MTMR7: variants seen among roughly 807,000 people sequenced by gnomAD.
MTMR7 encodes phosphatidylinositol-3-phosphate phosphatase MTMR7.
Under a neutral mutation model 81.2 loss-of-function variants are expected in MTMR7, and 76 were observed. That is an observed-to-expected ratio of 0.94 (90% CI 0.78 to 1.13). MTMR7 has a LOEUF of 1.13. Among genes scored for constraint, MTMR7 ranks in the 50% most tolerant of loss-of-function variants. The pLI is 0.00. For missense variants in MTMR7, 1,044 were observed against 820.0 expected (o/e 1.27, Z -3.34); for synonymous variants, 372 against 289.8 (o/e 1.28, Z -2.88).
intron 4 of MTMR7, 156 bp from the exon 5 acceptor site, chr8:17,349,237 C>A: frequency 1.3e-6 from 1 of 794,764 alleles, no homozygotes; most frequent in Non-Finnish European, 2.0e-6. Flanking sequence ...AAAGCCACTT[C>A]AGAGGAAGGA....
chr8:17,369,835 C>T (rs755626315), intron 3 of MTMR7, among the ~76,000 whole-genome samples: 22 of 151,702 alleles, frequency 1.5e-4, no homozygotes, highest in South Asian at 6.2e-4. Context: ...TTAGTAGAGA[C>T]GGGGTTTCGC....
intron 7 of MTMR7, among the ~76,000 whole-genome samples, chr8:17,314,745 C>T (rs752066773): frequency 7.2e-5 from 11 of 152,196 alleles, no homozygotes; most frequent in Admixed American, 1.3e-4. Flanking sequence ...AGGCAAGATT[C>T]CAAAATCTTC....
intron 13 of MTMR7, 162 bp from the exon 14 acceptor site, chr8:17,300,386 A>C (rs1264532751): frequency 1.4e-6 from 1 of 715,886 alleles, no homozygotes; most frequent in African/African-American, 1.8e-5. Flanking sequence ...ACCTTGGACA[A>C]AATCTGTGAG....
chr8:17,384,929 T>A (rs1039312003), intron 1 of MTMR7, among the ~76,000 whole-genome samples: 5 of 152,138 alleles, frequency 3.3e-5, no homozygotes, highest in African/African-American at 1.2e-4. Context: ...CAAGAAAATA[T>A]ATGACACATA....
At chr8:17,370,916 A>T in intron 3 of MTMR7, 121 bp downstream of exon 3, 1 of 1,024,318 alleles carries the variant, frequency 9.8e-7, no homozygotes, top group Non-Finnish European at 1.4e-6. Flanking sequence ...CTCTCCTGAG[A>T]ACGAGACTGA....
At chr8:17,403,638 T>C (rs1385095507) in intron 1 of MTMR7, among the ~76,000 whole-genome samples, 1 of 152,230 alleles carries the variant, frequency 6.6e-6, no homozygotes, top group Non-Finnish European at 1.5e-5. Context: ...ATAAGGATTG[T>C]AAATTTGTAG....
chr8:17,313,769 A>C (rs1376654362), intron 7 of MTMR7, among the ~76,000 whole-genome samples: 3 of 152,222 alleles, frequency 2.0e-5, no homozygotes, highest in Admixed American at 2.0e-4. Flanking sequence ...GAGTGCTATG[A>C]GGAAAAAAAT....
At chr8:17,325,890 G>T (rs544561781) in intron 7 of MTMR7, among the ~76,000 whole-genome samples, 1 of 152,138 alleles carries the variant, frequency 6.6e-6, no homozygotes, top group Non-Finnish European at 1.5e-5. Context: ...GCCCATCAAC[G>T]TATCCATTTC....
chr8:17,322,902 C>G (rs1201441214), intron 7 of MTMR7, among the ~76,000 whole-genome samples: 1 of 150,680 alleles, frequency 6.6e-6, no homozygotes, highest in Non-Finnish European at 1.5e-5. Context: ...TTGGTGCTTT[C>G]ATCTTAATGA....
chr8:17,303,818 C>A (rs781217849), intron 12 of MTMR7, among the ~76,000 whole-genome samples: 13 of 152,180 alleles, frequency 8.5e-5, no homozygotes, highest in Non-Finnish European at 1.5e-4. Flanking sequence ...CCATGTTGGC[C>A]AGGCTTGTCT....
rs565069990 is a variant in MTMR7, at chr8:17,323,579, G to C, written c.865+7571C>G. 3.9e-5 allele frequency among the ~76,000 whole-genome samples: 6 copies of C among 152,168 alleles called. No individual in the cohort carries two copies. The South Asian group carries it at 1.2e-3, about 32-fold the overall frequency. ...ACTAGAGAGGAGGCCAGGAATCCCGGAAGACTGAGATGGTGGCTGCCAGTA... is the reference window on the plus strand; with the variant it reads ...ACTAGAGAGGAGGCCAGGAATCCCGCAAGACTGAGATGGTGGCTGCCAGTA... On this transcript the variant is annotated intron_variant, in intron 7 of 13. Coordinates refer to ENST00000180173, the MANE Select transcript of MTMR7 (RefSeq NM_004686.5).
chr8:17,378,348 C>G (rs1820653868), intron 1 of MTMR7, among the ~76,000 whole-genome samples: 1 of 152,182 alleles, frequency 6.6e-6, no homozygotes, highest in Non-Finnish European at 1.5e-5. Context: ...TCAGAAAGCA[C>G]TGTTCAGGGA....
In MTMR7 at chr8:17,305,909, G is replaced by A. The variant is rs1441410555; in HGVS notation, c.1200C>T (p.Asp400=). ...GDPKEISPVI[D]QFIECVWQLM... ...ACTGCCAAACACACTCAATGAACTG[G>A]TCAATAACTGGAGAGATTTCTTTTG... The change falls in exon 11 of 14, where the codon GAC becomes GAT. Residue 400 remains aspartate, a synonymous_variant. Transcript: ENST00000180173. 1.2e-6 allele frequency: 2 copies of A among 1,613,670 alleles called. No homozygotes were observed. Among genetic ancestry groups the A allele is most frequent in the Admixed American group, 1.7e-5 (1 of 60,012 alleles).
chr8:17,364,429 G>A (rs548867693), intron 3 of MTMR7, among the ~76,000 whole-genome samples: 4 of 152,216 alleles, frequency 2.6e-5, no homozygotes, highest in Admixed American at 6.5e-5. Context: ...TTTTTGTAAC[G>A]AGAACATCTG....
In MTMR7 at chr8:17,304,359, G is replaced by A; in HGVS notation, c.1493+20C>T. 6.2e-7 allele frequency: 1 copy of A among 1,605,400 alleles called. No individual in the cohort carries two copies. The highest frequency in any genetic ancestry group is 1.7e-5 in the Admixed American group (1 of 59,894). Reference sequence around the variant, plus strand: ...TCCAAGTTCATACCATGGCTACAAAGTTACCAAGGATTTACATACTTGTAC... The same window carrying A: ...TCCAAGTTCATACCATGGCTACAAAATTACCAAGGATTTACATACTTGTAC... On this transcript the variant is annotated intron_variant, in intron 12 of 13. Coordinates refer to ENST00000180173, the MANE Select transcript of MTMR7 (RefSeq NM_004686.5).
At chr8:17,371,324 C>T in intron 2 of MTMR7, 125 bp from the exon 3 acceptor site, 1 of 1,073,200 alleles carries the variant, frequency 9.3e-7, no homozygotes, top group Non-Finnish European at 1.3e-6. Flanking sequence ...TAGCTCAACC[C>T]TTGCGTTCAG....
At chr8:17,339,559 C>G (rs1357874170) in intron 6 of MTMR7, among the ~76,000 whole-genome samples, 2 of 152,194 alleles carry the variant, frequency 1.3e-5, no homozygotes, top group East Asian at 3.9e-4. Context: ...CAAGGTTCCT[C>G]CATGTTGCAG....
intron 13 of MTMR7, 119 bp from the exon 14 acceptor site, chr8:17,300,343 C>G (rs887410731): frequency 1.1e-5 from 13 of 1,138,284 alleles, no homozygotes; most frequent in Non-Finnish European, 1.6e-5. Flanking sequence ...ACATGTGACT[C>G]AGAGGGATGT....
chr8:17,341,654 T>G (rs1386259286), intron 5 of MTMR7, among the ~76,000 whole-genome samples, 157 bp from the exon 6 acceptor site: 1 of 152,242 alleles, frequency 6.6e-6, no homozygotes, highest in African/African-American at 2.4e-5. Flanking sequence ...AAGCCTTGTT[T>G]ATTAAAATTC....
Sources: gnomAD v4.1 joint callset for allele counts (sites outside exome capture counted in the v4.1 genomes callset) on GRCh38, gnomAD v4.1.1 for gene constraint, MANE v1.5 for transcripts, NCBI Gene and HGNC (gene_info 2026-07-23, HGNC 2026-07-21) for gene names.